PTPRT: variants seen among roughly 807,000 people sequenced by gnomAD.
PTPRT encodes the protein receptor-type tyrosine-protein phosphatase T.
A neutral mutation model predicts 176.8 loss-of-function variants in PTPRT; 56 were observed. That is an observed-to-expected ratio of 0.32 (90% CI 0.26 to 0.40). The LOEUF (loss-of-function observed/expected upper bound fraction) is 0.40. PTPRT is among the 10% of genes least tolerant of loss of function. PTPRT has a pLI of 1.00. For synonymous variants in PTPRT, 783 were observed against 739.0 expected, an observed-to-expected ratio of 1.06 and a Z score of -0.96; for missense variants, 1,540 against 1,908.2, an observed-to-expected ratio of 0.81 and a Z score of 3.60.
At chr20:42,727,253 T>C (rs1321861412) in intron 6 of PTPRT, among the ~76,000 whole-genome samples, 1 of 152,190 alleles carries the variant, frequency 6.6e-6, no homozygotes, top group Non-Finnish European at 1.5e-5. Context: ...AAATTTGATA[T>C]CCTCTTAGAT....
intron 7 of PTPRT, among the ~76,000 whole-genome samples, chr20:42,600,399 C>T (rs1010700769): frequency 6.6e-6 from 1 of 152,176 alleles, no homozygotes; most frequent in Non-Finnish European, 1.5e-5. Context: ...ATTGGCCTCC[C>T]AAAGTGCTGG....
intron 7 of PTPRT, among the ~76,000 whole-genome samples, chr20:42,612,760 A>G (rs2073996255): frequency 6.6e-6 from 1 of 151,780 alleles, no homozygotes; most frequent in Non-Finnish European, 1.5e-5. Flanking sequence ...ATCATCTTTA[A>G]CAGAAAAAAA....
intron 1 of PTPRT, among the ~76,000 whole-genome samples, chr20:43,103,087 C>T (rs976506062): frequency 1.3e-5 from 2 of 152,076 alleles, no homozygotes; most frequent in South Asian, 4.2e-4. Flanking sequence ...ACCTGCCAAC[C>T]CAACTCGTGC....
At chr20:42,392,320 C>T (rs1290071123) in intron 9 of PTPRT, among the ~76,000 whole-genome samples, 3 of 151,898 alleles carry the variant, frequency 2.0e-5, no homozygotes, top group Non-Finnish European at 4.4e-5. Flanking sequence ...TATTAGCATA[C>T]ATCAGGAAAA....
chr20:43,051,294 GGTAA>G (rs886621968), intron 1 of PTPRT, among the ~76,000 whole-genome samples: 4 of 152,106 alleles, frequency 2.6e-5, no homozygotes, highest in African/African-American at 9.7e-5. Flanking sequence ...TCTAAAGCCT[GGTAA>G]GTAAGTTAGC....
intron 3 of PTPRT, among the ~76,000 whole-genome samples, chr20:42,782,507 G>A (rs1297594959): frequency 1.3e-5 from 2 of 152,194 alleles, no homozygotes; most frequent in East Asian, 3.9e-4. Flanking sequence ...TACGGAATAT[G>A]GTTAAGTGGC....
chr20:42,857,590 T>C (rs891331991), intron 2 of PTPRT, among the ~76,000 whole-genome samples: 6 of 152,206 alleles, frequency 3.9e-5, no homozygotes, highest in East Asian at 1.9e-4. Context: ...TGTTTTTCCC[T>C]GGAGCTCAGC....
At chr20:42,870,813 C>T (rs943375269) in intron 2 of PTPRT, among the ~76,000 whole-genome samples, 2 of 152,144 alleles carry the variant, frequency 1.3e-5, no homozygotes, top group Non-Finnish European at 2.9e-5. Flanking sequence ...ACAAAGGTTC[C>T]AATTTTTCCA....
In PTPRT at chr20:42,317,084, C is replaced by A. The variant is rs542223234; in HGVS notation, c.1866-1088G>T. Among the ~76,000 whole-genome samples the A allele has an allele frequency of 4.6e-5, 7 of 152,256 alleles. No homozygotes were observed. The East Asian group carries it at 1.4e-3, about 29-fold the overall frequency. On this transcript the variant is annotated intron_variant, in intron 11 of 30. Coordinates refer to ENST00000373187, the MANE Select transcript of PTPRT (RefSeq NM_007050.6). ...TCACCCAACAAGTGATCAATGAATG[C>A]TTGTTCAAATGAATTAAATTGGATT...
chr20:42,884,959 T>C (rs1169846921), intron 2 of PTPRT, among the ~76,000 whole-genome samples: 1 of 151,968 alleles, frequency 6.6e-6, no homozygotes. Context: ...AGTCTAAGTG[T>C]TCTCTCTGAG....
At position 43,189,765 on chromosome 20, in the gene PTPRT, C is replaced by A; in HGVS notation, c.-32G>T. The A allele has an allele frequency of 8.8e-7, 1 of 1,137,508 alleles. No homozygotes were observed. The highest frequency in any genetic ancestry group is 1.1e-6 in the Non-Finnish European group (1 of 926,858). The allele number at this position is 1,137,508 out of a possible 1,614,324, so 70.5% of individuals were successfully genotyped here. On this transcript the variant is annotated 5_prime_UTR_variant, in exon 1 of 31. Transcript: ENST00000373187. The surrounding 1 kb of genome is among the most constrained non-coding windows in gnomAD (Gnocchi z 5.0). ...GGCGGCGGGCAGCTCAGCCCCTTCC[C>A]GCGGGGGCCGGGGCCGGGACTGGGG...
intron 29 of PTPRT, among the ~76,000 whole-genome samples, chr20:42,082,330 A>C (rs936794706): frequency 1.3e-5 from 2 of 152,204 alleles, no homozygotes; most frequent in African/African-American, 4.8e-5. Context: ...AGCATGTTAC[A>C]GTCACTCAGG....
At chr20:42,462,679 G>T (rs2071040227) in intron 8 of PTPRT, among the ~76,000 whole-genome samples, 1 of 152,160 alleles carries the variant, frequency 6.6e-6, no homozygotes, top group South Asian at 2.1e-4. Context: ...TTTAAAAGTG[G>T]CCTTTTGCCC....
At chr20:43,000,786 T>C (rs1221731167) in intron 1 of PTPRT, among the ~76,000 whole-genome samples, 3 of 151,900 alleles carry the variant, frequency 2.0e-5, no homozygotes, top group Admixed American at 2.0e-4. Context: ...AAATAGAAAG[T>C]AGTCAGTGAT....
chr20:42,444,124 C>T (rs1469464045), intron 9 of PTPRT, among the ~76,000 whole-genome samples: 1 of 151,814 alleles, frequency 6.6e-6, no homozygotes, highest in Non-Finnish European at 1.5e-5. Context: ...ACAGTCTCAT[C>T]ACTGTCCTCT....
chr20:42,682,666 T>A (rs2075623000), intron 6 of PTPRT, among the ~76,000 whole-genome samples: 2 of 152,188 alleles, frequency 1.3e-5, no homozygotes, highest in African/African-American at 4.8e-5. Context: ...ATGACATCAG[T>A]GCCTTCCAGC....
intron 27 of PTPRT, among the ~76,000 whole-genome samples, chr20:42,092,102 G>A (rs1326191871): frequency 6.6e-6 from 1 of 152,190 alleles, no homozygotes; most frequent in African/African-American, 2.4e-5. Flanking sequence ...TGAGAAGGGA[G>A]GGATGGGAAA....
At chr20:42,399,481 C>T (rs963650274) in intron 9 of PTPRT, among the ~76,000 whole-genome samples, 2 of 152,178 alleles carry the variant, frequency 1.3e-5, no homozygotes, top group East Asian at 3.9e-4. Context: ...TCAGAAATAG[C>T]ACCAGAATCA....
intron 2 of PTPRT, among the ~76,000 whole-genome samples, chr20:42,825,389 T>A (rs2077974902): frequency 6.6e-6 from 1 of 152,144 alleles, no homozygotes; most frequent in Non-Finnish European, 1.5e-5. Context: ...TATGATATAA[T>A]TTAATTGATG....
Sources: gnomAD v4.1 joint callset for allele counts (sites outside exome capture counted in the v4.1 genomes callset) on GRCh38, gnomAD v4.1.1 for gene constraint, Gnocchi (gnomAD v3.1) non-coding constraint, MANE v1.5 for transcripts, NCBI Gene and HGNC (gene_info 2026-07-23, HGNC 2026-07-21) for gene names.